Variants in AFF3 observed in about 807,000 individuals in gnomAD.
AFF3 encodes AF4/FMR2 family member 3.
AFF3 carries 32 observed loss-of-function variants against 129.7 expected under a neutral mutation model. The observed-to-expected ratio is 0.25, with a 90% CI of 0.19 to 0.33. The LOEUF is 0.33. Among genes scored for constraint, AFF3 ranks in the 10% least tolerant of loss-of-function variants. AFF3 has a pLI of 1.00. For synonymous variants in AFF3, 644 were observed against 635.4 expected, an observed-to-expected ratio of 1.01 and a Z score of -0.20; for missense variants, 1,373 against 1,592.0, an observed-to-expected ratio of 0.86 and a Z score of 2.34.
At chr2:99,871,877 A>G (rs1267937245) in intron 7 of AFF3, among the ~76,000 whole-genome samples, 1 of 152,120 alleles carries the variant, frequency 6.6e-6, no homozygotes, top group African/African-American at 2.4e-5. Flanking sequence ...AAATTTGTAC[A>G]TGCATCCTGC....
chr2:99,687,373 C>T (rs1282693622), intron 11 of AFF3, among the ~76,000 whole-genome samples: 2 of 152,150 alleles, frequency 1.3e-5, no homozygotes, highest in Non-Finnish European at 2.9e-5. Flanking sequence ...AGAGAAATGT[C>T]CCGGTATGGC....
chr2:100,087,766 T>C (rs1313107808), intron 4 of AFF3, among the ~76,000 whole-genome samples: 1 of 151,930 alleles, frequency 6.6e-6, no homozygotes, highest in African/African-American at 2.4e-5. Context: ...TCCAGTGATA[T>C]ATAAAAGGAT....
intron 2 of AFF3, among the ~76,000 whole-genome samples, chr2:100,123,890 C>T (rs1310709594): frequency 6.6e-6 from 1 of 151,986 alleles, no homozygotes; most frequent in Non-Finnish European, 1.5e-5. Context: ...GAAGAAGAAA[C>T]AAGAATGCCT....
At chr2:100,073,717 C>A (rs374170092) in intron 4 of AFF3, among the ~76,000 whole-genome samples, 2 of 152,256 alleles carry the variant, frequency 1.3e-5, no homozygotes, top group East Asian at 3.9e-4. Context: ...ATTAAAAGAA[C>A]AATTGTCGTT....
chr2:99,771,551 TG>T (rs2105327882), intron 8 of AFF3, among the ~76,000 whole-genome samples: 1 of 152,280 alleles, frequency 6.6e-6, no homozygotes, highest in African/African-American at 2.4e-5. Context: ...ATTCTAGAGA[TG>T]CAAAGTTCCA....
At chr2:99,871,776 G>C (rs1455138843) in intron 7 of AFF3, among the ~76,000 whole-genome samples, 1 of 152,114 alleles carries the variant, frequency 6.6e-6, no homozygotes, top group African/African-American at 2.4e-5. Context: ...TACCTGTCAG[G>C]TGCTATGTTC....
At chr2:99,910,665 C>G (rs1172063542) in intron 7 of AFF3, among the ~76,000 whole-genome samples, 1 of 152,230 alleles carries the variant, frequency 6.6e-6, no homozygotes, top group African/African-American at 2.4e-5. Context: ...ATATGACTCT[C>G]AAAGCCCTTC....
intron 14 of AFF3, among the ~76,000 whole-genome samples, chr2:99,596,507 A>C (rs1230230488): frequency 6.6e-6 from 1 of 152,156 alleles, no homozygotes. Flanking sequence ...CAAATGGGAC[A>C]CAGTAAACAG....
chr2:99,571,164 G>A (rs912797982), intron 18 of AFF3, among the ~76,000 whole-genome samples: 11 of 152,190 alleles, frequency 7.2e-5, no homozygotes, highest in Admixed American at 7.2e-4. Flanking sequence ...TTCATTTTGA[G>A]CTTAGAAAAG....
At position 99,772,804 on chromosome 2, in the gene AFF3, A is replaced by C. The variant is rs566465576; in HGVS notation, c.922-20503T>G. Among the ~76,000 whole-genome samples, 4 of 152,332 alleles carry C rather than the reference A, an allele frequency of 2.6e-5. No homozygotes were observed. The East Asian group carries it at 7.7e-4, about 29-fold the overall frequency. On this transcript the variant is annotated intron_variant, in intron 8 of 24. Transcript: ENST00000672756. ...TGAAGTTGAACACAAAGAAGGGGCGACTGCAGCTAAGGGAAAGGCCGTCAA... is the reference window on the plus strand; with the variant it reads ...TGAAGTTGAACACAAAGAAGGGGCGCCTGCAGCTAAGGGAAAGGCCGTCAA...
At chr2:99,679,556 T>C (rs1035863180) in intron 11 of AFF3, among the ~76,000 whole-genome samples, 6 of 152,098 alleles carry the variant, frequency 3.9e-5, no homozygotes, top group Admixed American at 1.3e-4. Context: ...AAAATCTCAA[T>C]CAGTCAACTG....
At chr2:99,677,562 G>A (rs758039533) in intron 11 of AFF3, among the ~76,000 whole-genome samples, 23 of 152,204 alleles carry the variant, frequency 1.5e-4, no homozygotes, top group Non-Finnish European at 2.8e-4. Flanking sequence ...CGCAGACAAG[G>A]AGTCGAAGGG....
intron 4 of AFF3, among the ~76,000 whole-genome samples, chr2:100,052,431 G>T (rs894297592): frequency 3.3e-5 from 5 of 152,038 alleles, no homozygotes; most frequent in Non-Finnish European, 7.4e-5. Context: ...GTATGCTTGG[G>T]ACCCAGGGCC....
chr2:99,635,098 T>G (rs4280502), intron 13 of AFF3, among the ~76,000 whole-genome samples: 1 of 151,390 alleles, frequency 6.6e-6, no homozygotes, highest in East Asian at 1.9e-4. Context: ...CATATCTCTA[T>G]GTATATGATA....
intron 13 of AFF3, among the ~76,000 whole-genome samples, chr2:99,626,259 G>A (rs1012986649): frequency 6.6e-6 from 1 of 152,152 alleles, no homozygotes; most frequent in African/African-American, 2.4e-5. Flanking sequence ...GTTGTTGCCA[G>A]TTTTATTTTT....
chr2:99,739,667 C>T (rs1680550299), intron 10 of AFF3, among the ~76,000 whole-genome samples: 1 of 152,004 alleles, frequency 6.6e-6, no homozygotes, highest in South Asian at 2.1e-4. Context: ...ACAATCTTTC[C>T]TTTAGTATCT....
intron 7 of AFF3, among the ~76,000 whole-genome samples, chr2:99,857,233 G>C (rs1690596356): frequency 1.3e-5 from 2 of 152,274 alleles, no homozygotes; most frequent in South Asian, 4.1e-4. Flanking sequence ...TTTGCAAACT[G>C]TTCCTATAAT....
At chr2:99,744,895 T>C (rs1266157687) in intron 9 of AFF3, among the ~76,000 whole-genome samples, 1 of 152,200 alleles carries the variant, frequency 6.6e-6, no homozygotes, top group African/African-American at 2.4e-5. Context: ...CTTTTGTGTA[T>C]ATACTTAGGA....
intron 15 of AFF3, among the ~76,000 whole-genome samples, chr2:99,591,517 A>G (rs566576670): frequency 2.0e-5 from 3 of 152,298 alleles, no homozygotes; most frequent in East Asian, 3.9e-4. Context: ...CTCTGGTCAT[A>G]GGTGCCCTTA....
Sources: allele counts gnomAD v4.1 joint callset (sites outside exome capture counted in the v4.1 genomes callset), GRCh38; gene constraint gnomAD v4.1.1; transcripts MANE v1.5; gene names NCBI Gene and HGNC (gene_info 2026-07-23, HGNC 2026-07-21).